The following PIEZO1 variants were observed in gnomAD, a reference collection of about 807,000 sequenced individuals.
PIEZO1 encodes the protein piezo type mechanosensitive ion channel component 1 (Er blood group).
A neutral mutation model predicts 297.2 loss-of-function variants in PIEZO1; 296 were observed. The observed-to-expected ratio is 1.00, with a 90% CI of 0.91 to 1.10. The LOEUF is 1.10. Ranked by LOEUF, PIEZO1 falls within the 50% of genes least tolerant of loss-of-function variation. The probability of loss-of-function intolerance (pLI) is 0.00; values close to 1 mark genes in which losing one functional copy is unlikely to be tolerated. For missense variants in PIEZO1, 5,018 were observed against 3,455.5 expected (o/e 1.45, Z -11.34); for synonymous variants, 2,427 against 1,507.5 (o/e 1.61, Z -14.13).
intron 1 of PIEZO1, among the ~76,000 whole-genome samples, chr16:88,781,372 G>A (rs538030163): frequency 6.6e-6 from 1 of 152,222 alleles, no homozygotes; most frequent in African/African-American, 2.4e-5. Flanking sequence ...GCTGCGGGAC[G>A]AGCACCCGCT....
intron 1 of PIEZO1, among the ~76,000 whole-genome samples, chr16:88,779,723 G>A (rs930233410): frequency 3.9e-5 from 6 of 152,346 alleles, no homozygotes; most frequent in Middle Eastern, 3.4e-3. Context: ...AGGTCCCAAG[G>A]AGCCTCTGTG....
At position 88,725,444 on chromosome 16, in the gene PIEZO1, C is replaced by T; in HGVS notation, c.4134G>A (p.Leu1378=). The T allele has an allele frequency of 6.7e-7, 1 of 1,482,270 alleles. No homozygotes were observed. Among genetic ancestry groups the T allele is most frequent in the Non-Finnish European group, 9.0e-7 (1 of 1,113,854 alleles). 91.8% of individuals were successfully genotyped at this position (1,482,270 alleles called of 1,614,324 possible). The change falls in exon 29 of 51, where the codon CTG becomes CTA. Residue 1378 remains leucine (L), a synonymous_variant. Transcript: ENST00000301015. ...RVDRSRPQDT[L]GPKDPGLEPG... Reference sequence around the variant, plus strand: ...GCTCCAGGCCGGGGTCCTTGGGGCCCAGGGTGTCCTGGGGGCGACTGCGGT... The same window carrying T: ...GCTCCAGGCCGGGGTCCTTGGGGCCTAGGGTGTCCTGGGGGCGACTGCGGT...
Position 88,722,612 on chromosome 16 carries a change from C to G in PIEZO1, c.4746G>C (p.Glu1582Asp). The G allele has an allele frequency of 2.0e-6, 3 of 1,537,948 alleles. No individual in the cohort carries two copies. Among genetic ancestry groups the G allele is most frequent in the South Asian group, 2.4e-5 (2 of 83,950 alleles). Residue 1582 changes from glutamate to aspartate, a missense_variant, in exon 35 of 51, where the codon GAG (glutamate) becomes GAC (aspartate). Physicochemically the swap from Glu to Asp is conservative, Grantham distance 45. Coordinates refer to ENST00000301015, the MANE Select transcript of PIEZO1 (RefSeq NM_001142864.4). Reference sequence around the variant, plus strand: ...ACACGGTGCTTGGGGCATTGGGGGCCTCGGTGGGGCCTGGCAGCGTGGCCT... The same window carrying G: ...ACACGGTGCTTGGGGCATTGGGGGCGTCGGTGGGGCCTGGCAGCGTGGCCT... ...QAEATLPGPT[E>D]APNAPSTVSS...
Position 88,784,985 on chromosome 16 carries a change from G to T in PIEZO1, c.-21C>A. The stretch of plus-strand genomic sequence containing the variant: ...TCCATGGCTGGAGGGCCCAGGGCCC[G>T]GCCCAGACCGAGCGGACGCCGCGGC... On this transcript the variant is annotated 5_prime_UTR_variant, in exon 1 of 51. Coordinates refer to ENST00000301015, the MANE Select transcript of PIEZO1 (RefSeq NM_001142864.4). 8.0e-7 allele frequency: 1 copy of T among 1,244,570 alleles called. No individual in the cohort carries two copies. Among genetic ancestry groups the T allele is most frequent in the Non-Finnish European group, 1.0e-6 (1 of 989,798 alleles). The allele number at this position is 1,244,570 out of a possible 1,614,324, so 77.1% of individuals were successfully genotyped here.
At chr16:88,716,141 G>A (rs12102612) in intron 49 of PIEZO1, 22 bp from the exon 50 acceptor site, 62 of 1,532,608 alleles carry the variant, frequency 4.0e-5, no homozygotes, top group Non-Finnish European at 4.9e-5. Flanking sequence ...GGAGAAGATC[G>A]TTGAGGCCGC....
intron 1 of PIEZO1, among the ~76,000 whole-genome samples, chr16:88,780,130 G>A (rs1050791852): frequency 5.3e-5 from 8 of 152,172 alleles, no homozygotes; most frequent in Admixed American, 2.6e-4. Context: ...GCCTGCCCCC[G>A]TCCTCCCAGT....
At chr16:88,775,229 G>A (rs1461479932) in intron 1 of PIEZO1, among the ~76,000 whole-genome samples, 1 of 152,228 alleles carries the variant, frequency 6.6e-6, no homozygotes, top group African/African-American at 2.4e-5. Context: ...GGCACAGGCT[G>A]GAGCAGGAGG....
At position 88,721,705 on chromosome 16, in the gene PIEZO1, G is replaced by A. The variant is rs747017880; in HGVS notation, c.5236C>T (p.Leu1746=). The change falls in exon 38 of 51, where the codon CTG becomes TTG. Residue 1746 remains leucine, a synonymous_variant. Coordinates refer to ENST00000301015, the MANE Select transcript of PIEZO1 (RefSeq NM_001142864.4). ...FTEIAVVVKY[L]FQFGFFPWNS... ...CAGGGGAAGAACCCAAACTGGAACA[G>A]GTACTTGACGACCACCGCGATCTGT... The A allele has an allele frequency of 1.1e-4, 164 of 1,546,174 alleles. No homozygotes were observed. Among genetic ancestry groups the A allele is most frequent in the Middle Eastern group, 3.4e-4 (2 of 5,944 alleles).
rs1311308945 is a variant in PIEZO1, at chr16:88,715,816, C to G, written c.7355G>C (p.Gly2452Ala). 6.5e-7 allele frequency: 1 copy of G among 1,550,166 alleles called. No homozygotes were observed. The highest frequency in any genetic ancestry group is 8.7e-7 in the Non-Finnish European group (1 of 1,146,960). The change falls in exon 51 of 51, where the codon GGC becomes GCC. Residue 2452 changes from glycine to alanine, a missense_variant. Transcript: ENST00000301015. ...GLYVSIVLVI[G>A]KFVRGFFSEI... is the part of the protein sequence containing the mutation. Reference sequence around the variant, plus strand: ...GCTGAAGAATCCGCGCACGAACTTGCCGATGACCAGCACGATGGACACGTA... The same window carrying G: ...GCTGAAGAATCCGCGCACGAACTTGGCGATGACCAGCACGATGGACACGTA...
At position 88,732,420 on chromosome 16, in the gene PIEZO1, C is replaced by G; in HGVS notation, c.2906G>C (p.Ser969Thr). Reference protein sequence around the residue: ...APLPAQAVFASGTRQQLDQDL... With the variant: ...APLPAQAVFATGTRQQLDQDL... ...CTGGTCCAGCTGCTGGCGGGTGCCG[C>G]TGGCAAACACGGCCTGGGCAGGCAG... Residue 969 changes from serine to threonine, a missense_variant, in exon 21 of 51, where the codon AGC becomes ACC. Transcript: ENST00000301015. The G allele has an allele frequency of 6.5e-7, 1 of 1,549,778 alleles. No individual in the cohort carries two copies. Among genetic ancestry groups the G allele is most frequent in the Non-Finnish European group, 8.7e-7 (1 of 1,146,552 alleles).
At chr16:88,756,565 C>T (rs929255851) in intron 1 of PIEZO1, among the ~76,000 whole-genome samples, 16 of 151,280 alleles carry the variant, frequency 1.1e-4, no homozygotes, top group Non-Finnish European at 2.4e-4. Context: ...GTCAGGAGTT[C>T]GAAACCAGCC....
intron 12 of PIEZO1, 104 bp from the exon 13 acceptor site, chr16:88,735,350 C>T (rs1418289709): frequency 1.8e-5 from 14 of 793,652 alleles, no homozygotes; most frequent in Middle Eastern, 6.4e-4. Flanking sequence ...AGCTCTCAGG[C>T]GGCTGGCACC....
At chr16:88,732,083 A>G (rs1904885641) in intron 21 of PIEZO1, among the ~76,000 whole-genome samples, 173 bp from the exon 22 acceptor site, 1 of 151,582 alleles carries the variant, frequency 6.6e-6, no homozygotes, top group African/African-American at 2.4e-5. Context: ...GGCAGTTGCC[A>G]TCGTGCAGGG....
At chr16:88,765,350 A>G (rs2142891117) in intron 1 of PIEZO1, among the ~76,000 whole-genome samples, 1 of 152,292 alleles carries the variant, frequency 6.6e-6, no homozygotes, top group Non-Finnish European at 1.5e-5. Flanking sequence ...GGCCACTGGG[A>G]CAGGGCAGGA....
chr16:88,720,877 C>T (rs1430439698), intron 39 of PIEZO1, 129 bp from the exon 40 acceptor site: 3 of 1,127,722 alleles, frequency 2.7e-6, no homozygotes, highest in South Asian at 3.4e-5. Flanking sequence ...GGAAAGCTCC[C>T]AGTGTCACTG....
At chr16:88,749,228 A>G (rs1906253195) in intron 2 of PIEZO1, among the ~76,000 whole-genome samples, 156 bp downstream of exon 2, 1 of 151,866 alleles carries the variant, frequency 6.6e-6, no homozygotes, top group African/African-American at 2.4e-5. Context: ...CGACTGAGCG[A>G]GACTCCGTCT....
intron 2 of PIEZO1, 76 bp from the exon 3 acceptor site, chr16:88,742,498 T>A: frequency 6.8e-7 from 1 of 1,462,262 alleles, no homozygotes; most frequent in Non-Finnish European, 9.2e-7. Context: ...AGCCGGACAA[T>A]AGCCCCCAGC....
intron 33 of PIEZO1, 26 bp from the exon 34 acceptor site, chr16:88,723,035 G>A (rs1423089011): frequency 4.5e-6 from 7 of 1,543,476 alleles, no homozygotes; most frequent in Non-Finnish European, 6.1e-6. Context: ...AGGGGGCGCT[G>A]GAGGGGCAGC....
chr16:88,785,070 G>A lies in PIEZO1; in HGVS notation c.-106C>T, dbSNP rs1046171337. 1.6e-6 allele frequency: 1 copy of A among 610,870 alleles called. No individual in the cohort carries two copies. The highest frequency in any genetic ancestry group is 1.9e-5 in the African/African-American group (1 of 51,386). The allele number at this position is 610,870 out of a possible 1,614,324, so 37.8% of individuals were successfully genotyped here. Reference sequence around the variant, plus strand: ...CGCCATGGCTGACCCGCGGGGACCCGCGCGCCGCCTTCTCCTCTTCCTCCT... The same window carrying A: ...CGCCATGGCTGACCCGCGGGGACCCACGCGCCGCCTTCTCCTCTTCCTCCT... On this transcript the variant is annotated 5_prime_UTR_variant, in exon 1 of 51. Coordinates refer to ENST00000301015, the MANE Select transcript of PIEZO1 (RefSeq NM_001142864.4).
Sources: gnomAD v4.1 joint callset for allele counts (sites outside exome capture counted in the v4.1 genomes callset) on GRCh38, gnomAD v4.1.1 for gene constraint, MANE v1.5 for transcripts, NCBI Gene and HGNC (gene_info 2026-07-23, HGNC 2026-07-21) for gene names.